The following PDS5B variants were observed in gnomAD, a reference collection of about 807,000 sequenced individuals.
PDS5B encodes sister chromatid cohesion protein PDS5 homolog B.
PDS5B carries 51 observed loss-of-function variants against 184.1 expected under a neutral mutation model. That is an observed-to-expected ratio of 0.28 (90% confidence interval 0.22 to 0.35). The LOEUF (loss-of-function observed/expected upper bound fraction) is 0.35, where lower values mean the gene tolerates loss of function less well. Among genes scored for constraint, PDS5B ranks in the 10% least tolerant of loss-of-function variants. The pLI, the probability that PDS5B is intolerant of heterozygous loss-of-function variation, is 1.00. For missense variants in PDS5B, 1,180 were observed against 1,723.3 expected (o/e 0.68, Z 5.58); for synonymous variants, 566 against 569.2 (o/e 0.99, Z 0.08).
intron 1 of PDS5B, among the ~76,000 whole-genome samples, chr13:32,614,224 C>G (rs971671610): frequency 6.6e-6 from 1 of 152,006 alleles, no homozygotes; most frequent in African/African-American, 2.4e-5. Context: ...CCTTGAATTT[C>G]CATGTGAATT....
intron 19 of PDS5B, among the ~76,000 whole-genome samples, chr13:32,717,227 TGGCGG>T (rs1952484021): frequency 2.0e-5 from 3 of 152,004 alleles, no homozygotes; most frequent in African/African-American, 7.2e-5. Context: ...ATGATGACAA[TGGCGG>T]TTTTGTGGAA....
chr13:32,762,341 G>A (rs1273038460), intron 30 of PDS5B, among the ~76,000 whole-genome samples: 1 of 152,110 alleles, frequency 6.6e-6, no homozygotes, highest in Non-Finnish European at 1.5e-5. Context: ...AGTAAAGAAG[G>A]TAGGTGACAT....
At chr13:32,728,589 G>A (rs1952991972) in intron 19 of PDS5B, among the ~76,000 whole-genome samples, 1 of 152,026 alleles carries the variant, frequency 6.6e-6, no homozygotes, top group African/African-American at 2.4e-5. Flanking sequence ...AGCTTCCTTG[G>A]CCTCCCTGAA....
chr13:32,702,944 A>G (rs560163605), intron 17 of PDS5B, among the ~76,000 whole-genome samples: 23 of 152,290 alleles, frequency 1.5e-4, no homozygotes, highest in African/African-American at 5.3e-4. Context: ...AAAGGAGACA[A>G]CGTACTTGAA....
chr13:32,680,240 T>TTG (rs1464578964), intron 10 of PDS5B, among the ~76,000 whole-genome samples: 2 of 152,146 alleles, frequency 1.3e-5, no homozygotes, highest in African/African-American at 4.8e-5. Context: ...CCTCAAATGA[T>TTG]TGGCAATCTG....
intron 1 of PDS5B, among the ~76,000 whole-genome samples, chr13:32,648,065 T>C (rs1197804426): frequency 1.3e-5 from 2 of 152,224 alleles, no homozygotes; most frequent in East Asian, 3.9e-4. Flanking sequence ...TGGCCAAAAC[T>C]AATTACCTGT....
chr13:32,701,179 T>C (rs1193641869), intron 16 of PDS5B, 144 bp from the exon 17 acceptor site: 2 of 553,802 alleles, frequency 3.6e-6, no homozygotes, highest in Non-Finnish European at 6.5e-6. Context: ...AATTCAGTCT[T>C]TTTTTCTGGG....
At chr13:32,695,128 T>C (rs2140851350) in intron 14 of PDS5B, among the ~76,000 whole-genome samples, 1 of 151,908 alleles carries the variant, frequency 6.6e-6, no homozygotes, top group South Asian at 2.1e-4. Context: ...CTCACACCAT[T>C]TGAGTGGTTT....
At chr13:32,706,354 A>G (rs1427050821) in intron 17 of PDS5B, among the ~76,000 whole-genome samples, 1 of 151,958 alleles carries the variant, frequency 6.6e-6, no homozygotes, top group Non-Finnish European at 1.5e-5. Flanking sequence ...TTATTAGAAG[A>G]AAGCTTGAAA....
intron 19 of PDS5B, among the ~76,000 whole-genome samples, chr13:32,714,598 C>T (rs1030180736): frequency 3.3e-5 from 5 of 152,184 alleles, no homozygotes; most frequent in Non-Finnish European, 7.4e-5. Context: ...TGCGTATTCT[C>T]TTTCTCAGGG....
rs1950828457 is a variant in PDS5B, at chr13:32,667,399, C to G, written c.625-365C>G. 2.0e-5 allele frequency among the ~76,000 whole-genome samples: 3 copies of G among 152,106 alleles called. No homozygotes were observed. In the South Asian group the frequency reaches 6.2e-4, roughly 32 times the overall value. ...CCCACACTAGAACATAGTTCATTCT[C>G]TTAGGATATTTTGTGTTTTTTGGAC... On this transcript the variant is annotated intron_variant, in intron 6 of 34. Transcript: ENST00000315596.
intron 29 of PDS5B, 107 bp downstream of exon 29, chr13:32,759,797 T>G (rs899814633): frequency 1.7e-6 from 1 of 580,034 alleles, no homozygotes; most frequent in Non-Finnish European, 3.0e-6. Context: ...ATTTTCAAGC[T>G]GGAAAATATA....
chr13:32,717,532 TAC>T (rs1452798478), intron 19 of PDS5B, among the ~76,000 whole-genome samples: 5 of 137,364 alleles, frequency 3.6e-5, no homozygotes, highest in African/African-American at 8.2e-5. Context: ...TAATCTCAAG[TAC>T]CCAGGGACAC....
chr13:32,716,116 C>T (rs1369032194), intron 19 of PDS5B, among the ~76,000 whole-genome samples: 63 of 151,674 alleles, frequency 4.2e-4, no homozygotes, highest in Admixed American at 1.8e-3. Context: ...TCTGCCTGGC[C>T]GCCCATCGTC....
At chr13:32,666,018 G>T (rs1425961507) in intron 6 of PDS5B, among the ~76,000 whole-genome samples, 1 of 152,130 alleles carries the variant, frequency 6.6e-6, no homozygotes, top group Non-Finnish European at 1.5e-5. Context: ...GGGGAGGAAT[G>T]AAGTGAAATT....
In PDS5B at chr13:32,655,374, A is replaced by ATATATATATATATTTTTT; in HGVS notation, c.313-2864_313-2863insATATATATATATTTTTTT. Among the ~76,000 whole-genome samples, 38 of 72,440 alleles carry ATATATATATATATTTTTT rather than the reference A, an allele frequency of 5.2e-4. 2 individuals are homozygous for ATATATATATATATTTTTT. Among genetic ancestry groups the ATATATATATATATTTTTT allele is most frequent in the African/African-American group, 2.8e-3 (34 of 12,070 alleles). 47.5% of individuals were successfully genotyped at this position (72,440 alleles called of 152,430 possible). On this transcript the variant is annotated intron_variant, in intron 3 of 34. Coordinates refer to ENST00000315596, the MANE Select transcript of PDS5B (RefSeq NM_015032.4). Reference sequence around the variant, plus strand: ...TGTTCTTTGCCATATATATATATATATTTTTTTTTTTTTTTTTTTTTTTAG... The same window carrying ATATATATATATATTTTTT: ...TGTTCTTTGCCATATATATATATATATATATATATATATTTTTTTTTTTTTTTTTTTTTTTTTTTTTAG...
chr13:32,603,246 T>C (rs2058006438), intron 1 of PDS5B, among the ~76,000 whole-genome samples: 1 of 152,232 alleles, frequency 6.6e-6, no homozygotes, highest in Non-Finnish European at 1.5e-5. Flanking sequence ...TTTAAGTCTT[T>C]AATCCGTCTG....
chr13:32,719,229 C>T (rs1168487450), intron 19 of PDS5B, among the ~76,000 whole-genome samples: 1 of 152,148 alleles, frequency 6.6e-6, no homozygotes, highest in African/African-American at 2.4e-5. Flanking sequence ...GTTACCTAGA[C>T]TGGAGTGCAG....
At chr13:32,657,830 A>C (rs1950553301) in intron 3 of PDS5B, among the ~76,000 whole-genome samples, 1 of 152,180 alleles carries the variant, frequency 6.6e-6, no homozygotes, top group Non-Finnish European at 1.5e-5. Flanking sequence ...CAATTAAAAA[A>C]AATTGTTTCC....
Sources: gnomAD v4.1 joint callset for allele counts (sites outside exome capture counted in the v4.1 genomes callset) on GRCh38, gnomAD v4.1.1 for gene constraint, MANE v1.5 for transcripts, NCBI Gene and HGNC (gene_info 2026-07-23, HGNC 2026-07-21) for gene names.